The following CNTRL variants were observed in gnomAD, a reference collection of about 807,000 sequenced individuals.
The protein encoded by CNTRL is 110 kDa centrosomal protein.
A neutral mutation model predicts 303.7 loss-of-function variants in CNTRL; 233 were observed. The observed-to-expected ratio is 0.77, with a 90% CI of 0.69 to 0.86. The LOEUF (loss-of-function observed/expected upper bound fraction) is 0.86, where lower values mean the gene tolerates loss of function less well. Ranked by LOEUF, CNTRL falls within the 40% of genes least tolerant of loss-of-function variation. CNTRL has a pLI of 0.00. For synonymous variants in CNTRL, 900 were observed against 922.2 expected, an observed-to-expected ratio of 0.98 and a Z score of 0.44; for missense variants, 2,524 against 2,650.6, an observed-to-expected ratio of 0.95 and a Z score of 1.05.
chr9:121,173,783 C>T (rs1260229314), intron 42 of CNTRL, 46 bp downstream of exon 42: 1 of 1,546,024 alleles, frequency 6.5e-7, no homozygotes, highest in East Asian at 2.2e-5. Context: ...ATACTGGGCA[C>T]ATTGGGGAGG....
chr9:121,124,047 G>A lies in CNTRL; in HGVS notation c.1767G>A (p.Thr589=), dbSNP rs762275424. 3.1e-6 allele frequency: 5 copies of A among 1,612,600 alleles called. No individual in the cohort carries two copies. The highest frequency in any genetic ancestry group is 2.2e-5 in the East Asian group (1 of 44,768). The change falls in exon 13 of 44, where the codon ACG becomes ACA. Residue 589 remains threonine, a synonymous_variant. Coordinates refer to ENST00000373855, the MANE Select transcript of CNTRL (RefSeq NM_007018.6). ...DEILSRIAKE[T]EEIKDLEEQL... ...TACTTTCTAGAATTGCTAAGGAAACGGAAGAGATTAAGGACCTTGAAGAAC... is the reference window on the plus strand; with the variant it reads ...TACTTTCTAGAATTGCTAAGGAAACAGAAGAGATTAAGGACCTTGAAGAAC...
At chr9:121,146,366 T>C in intron 23 of CNTRL, 110 bp downstream of exon 23, 1 of 1,113,796 alleles carries the variant, frequency 9.0e-7, no homozygotes, top group Non-Finnish European at 1.3e-6. Context: ...ATTTCTATGC[T>C]AAGCCGTGCA....
intron 8 of CNTRL, among the ~76,000 whole-genome samples, chr9:121,108,750 A>C (rs1032248791): frequency 6.6e-6 from 1 of 152,162 alleles, no homozygotes; most frequent in Admixed American, 6.6e-5. Context: ...CCTGGGCAAC[A>C]TAATGAGACC....
intron 12 of CNTRL, among the ~76,000 whole-genome samples, chr9:121,119,928 A>T (rs2050155087): frequency 6.6e-6 from 1 of 152,208 alleles, no homozygotes; most frequent in African/African-American, 2.4e-5. Flanking sequence ...GTCCTTAAAA[A>T]AGGAAACATT....
intron 24 of CNTRL, 109 bp from the exon 25 acceptor site, chr9:121,150,061 A>G: frequency 2.6e-6 from 2 of 758,376 alleles, no homozygotes; most frequent in Non-Finnish European, 4.1e-6. Flanking sequence ...TCACATCTGC[A>G]GTATCTTGGC....
At chr9:121,081,600 A>G (rs2048143037) in intron 2 of CNTRL, among the ~76,000 whole-genome samples, 1 of 150,734 alleles carries the variant, frequency 6.6e-6, no homozygotes, top group Non-Finnish European at 1.5e-5. Context: ...CACAGAACTC[A>G]GAGAAATACT....
In CNTRL at chr9:121,123,934, C is replaced by A; in HGVS notation, c.1654C>A (p.His552Asn). The change falls in exon 13 of 44, where the codon CAT becomes AAT. Residue 552 changes from histidine (H) to asparagine (N), a missense_variant. By Grantham distance (68) the His-to-Asn change is moderately conservative (BLOSUM62 1). Transcript: ENST00000373855. ...SLDSKDPKHSHMKAQKSGKEQ... is the reference protein window; with the variant it reads ...SLDSKDPKHSNMKAQKSGKEQ... The stretch of plus-strand genomic sequence containing the variant: ...TTGATTTTTTTTTTTAATTCAGTCC[C>A]ATATGAAGGCTCAAAAGAGCGGTAA... 6.3e-7 allele frequency: 1 copy of A among 1,588,480 alleles called. No homozygotes were observed. The highest frequency in any genetic ancestry group is 1.8e-5 in the Admixed American group (1 of 54,754).
intron 25 of CNTRL, 22 bp from the exon 26 acceptor site, chr9:121,152,463 T>C (rs762916439): frequency 6.3e-7 from 1 of 1,582,536 alleles, no homozygotes; most frequent in Non-Finnish European, 8.7e-7. Flanking sequence ...CAGCACTGCA[T>C]TTTTTTCCCC....
chr9:121,171,679 C>A, intron 40 of CNTRL, 131 bp downstream of exon 40: 1 of 945,618 alleles, frequency 1.1e-6, no homozygotes, highest in Non-Finnish European at 1.4e-6. Context: ...TTCTTTAAGT[C>A]AAATCTGGTT....
At chr9:121,119,191 G>A (rs1459466158) in intron 12 of CNTRL, among the ~76,000 whole-genome samples, 1 of 151,554 alleles carries the variant, frequency 6.6e-6, no homozygotes, top group African/African-American at 2.4e-5. Context: ...AATGATGGCC[G>A]CATGGTATAT....
In CNTRL at chr9:121,145,288, C is replaced by T; in HGVS notation, c.3213C>T (p.Asn1071=). 6.2e-7 allele frequency: 1 copy of T among 1,613,922 alleles called. No individual in the cohort carries two copies. The highest frequency in any genetic ancestry group is 8.5e-7 in the Non-Finnish European group (1 of 1,179,918). The stretch of plus-strand genomic sequence containing the variant: ...AAACAGGTGTAGGTACTGGAGCAAA[C>T]TCACAGGTCCTAGAAATTGAGAAAC... ...MEKTGVGTGA[N]SQVLEIEKLN... The change falls in exon 22 of 44, where the codon AAC becomes AAT. Residue 1071 remains asparagine, a synonymous_variant. Coordinates refer to ENST00000373855, the MANE Select transcript of CNTRL (RefSeq NM_007018.6).
rs777014094 is a variant in CNTRL, at chr9:121,145,294, G to C, written c.3219G>C (p.Gln1073His). 3.5e-5 allele frequency: 57 copies of C among 1,614,000 alleles called. 1 individual carries two copies. The Middle Eastern group carries it at 3.3e-3, about 93-fold the overall frequency. The change falls in exon 22 of 44, where the codon CAG (glutamine) becomes CAC (histidine). Residue 1073 changes from glutamine to histidine, a missense_variant. Transcript: ENST00000373855. ...KTGVGTGANS[Q>H]VLEIEKLNET... ...GTGTAGGTACTGGAGCAAACTCACAGGTCCTAGAAATTGAGAAACTGAATG... is the reference window on the plus strand; with the variant it reads ...GTGTAGGTACTGGAGCAAACTCACACGTCCTAGAAATTGAGAAACTGAATG...
intron 13 of CNTRL, among the ~76,000 whole-genome samples, chr9:121,125,080 A>G (rs2050439335): frequency 6.6e-6 from 1 of 151,974 alleles, no homozygotes. Context: ...TCTTGGATTC[A>G]TCTTATATAC....
intron 8 of CNTRL, among the ~76,000 whole-genome samples, chr9:121,112,246 A>G (rs1486104849): frequency 6.6e-6 from 1 of 152,176 alleles, no homozygotes; most frequent in Non-Finnish European, 1.5e-5. Flanking sequence ...TAAACTTCAA[A>G]GGTCTTTTAC....
At chr9:121,175,796 T>C (rs533591936) in intron 43 of CNTRL, among the ~76,000 whole-genome samples, 3 of 152,240 alleles carry the variant, frequency 2.0e-5, no homozygotes, top group African/African-American at 4.8e-5. Context: ...AATTCTACTA[T>C]TCATGTCCTC....
chr9:121,162,060 C>A lies in CNTRL; in HGVS notation c.5212C>A (p.Leu1738Met), dbSNP rs1456644037. The change falls in exon 34 of 44, where the codon CTG becomes ATG. Residue 1738 changes from leucine to methionine, a missense_variant. Coordinates refer to ENST00000373855, the MANE Select transcript of CNTRL (RefSeq NM_007018.6). ...CCTCTTTTATCTGATTTAGGAGAAA[C>A]TGGAGTTAGAGAATTTGCAGCAGAT... ...KTQVAVLEEK[L>M]ELENLQQISQ... The A allele has an allele frequency of 6.2e-7, 1 of 1,613,990 alleles. No individual in the cohort carries two copies. Among genetic ancestry groups the A allele is most frequent in the Non-Finnish European group, 8.5e-7 (1 of 1,180,008 alleles).
chr9:121,173,131 A>G lies in CNTRL; in HGVS notation c.6418-112A>G, dbSNP rs180868799. ...ATCACAAGTTTTTACAGTTCTAGTA[A>G]TCATAGTAGTTGATATTTATAGATC... On this transcript the variant is annotated intron_variant, in intron 40 of 43. Coordinates refer to ENST00000373855, the MANE Select transcript of CNTRL (RefSeq NM_007018.6). The G allele has an allele frequency of 6.4e-6, 6 of 932,050 alleles. No homozygotes were observed. The East Asian group carries it at 1.6e-4, about 24-fold the overall frequency. The allele number at this position is 932,050 out of a possible 1,614,324, so 57.7% of individuals were successfully genotyped here.
chr9:121,167,602 G>C lies in CNTRL; in HGVS notation c.5769G>C (p.Glu1923Asp). ...NRFEDCQKEE[E>D]TKQQQLQVLQ... ...TTGAAGACTGTCAGAAAGAAGAGGA[G>C]ACAAAACAACAACAACTTCAAGTGC... The change falls in exon 37 of 44, where the codon GAG becomes GAC. Residue 1923 changes from glutamate (E) to aspartate (D), a missense_variant. Transcript: ENST00000373855. 2 of 1,614,140 alleles carry C rather than the reference G, an allele frequency of 1.2e-6. No individual in the cohort carries two copies. The highest frequency in any genetic ancestry group is 1.7e-6 in the Non-Finnish European group (2 of 1,179,992).
chr9:121,129,422 C>A lies in CNTRL; in HGVS notation c.2025+3486C>A, dbSNP rs1015643606. 1.7e-4 allele frequency among the ~76,000 whole-genome samples: 26 copies of A among 152,036 alleles called. 1 individual carries two copies. The highest frequency in any genetic ancestry group is 5.8e-4 in the African/African-American group (24 of 41,392). On this transcript the variant is annotated intron_variant, in intron 14 of 43. Coordinates refer to ENST00000373855, the MANE Select transcript of CNTRL (RefSeq NM_007018.6). The stretch of plus-strand genomic sequence containing the variant: ...GCAATTGTGAATGGGAGTTCACTCA[C>A]GATTTGGCTCTCTGTCTATTATTGG...
Sources: allele counts gnomAD v4.1 joint callset (sites outside exome capture counted in the v4.1 genomes callset), GRCh38; gene constraint gnomAD v4.1.1; transcripts MANE v1.5; gene names NCBI Gene and HGNC (gene_info 2026-07-23, HGNC 2026-07-21).